P2RY8: variants seen among roughly 807,000 people sequenced by gnomAD.
The protein encoded by P2RY8 is P2Y receptor family member 8.
In P2RY8, 6 loss-of-function variants were observed where a neutral mutation model predicts 10.0. That is an observed-to-expected ratio of 0.60 (90% CI 0.33 to 1.19). The LOEUF (loss-of-function observed/expected upper bound fraction) is 1.19. Ranked by LOEUF, P2RY8 falls within the 50% of genes most tolerant of loss-of-function variation. The pLI, the probability that P2RY8 is intolerant of heterozygous loss-of-function variation, is 0.04. For missense variants in P2RY8, 456 were observed against 542.0 expected (o/e 0.84, Z 1.58); for synonymous variants, 276 against 252.5 (o/e 1.09, Z -0.88).
At chrX:1,521,222 T>C (rs1467626732) in intron 1 of P2RY8, among the ~76,000 whole-genome samples, 1 of 151,950 alleles carries the variant, frequency 6.6e-6, no homozygotes, top group Non-Finnish European at 1.5e-5. Context: ...CTAATTTTTG[T>C]ATTTTAGTAG....
intron 1 of P2RY8, among the ~76,000 whole-genome samples, chrX:1,508,870 CATCCATCCATCT>C (rs1438883649): frequency 1.3e-5 from 2 of 151,734 alleles, no homozygotes; most frequent in Non-Finnish European, 2.9e-5. Context: ...TCCATCCATC[CATCCATCCATCT>C]ATTCTATCAT....
intron 1 of P2RY8, among the ~76,000 whole-genome samples, chrX:1,475,350 T>C (rs1357354091): frequency 1.3e-5 from 2 of 151,956 alleles, no homozygotes; most frequent in African/African-American, 2.4e-5. Flanking sequence ...CTATCCACCA[T>C]GAAATGCCGA....
At chrX:1,499,647 T>G (rs2092155015) in intron 1 of P2RY8, among the ~76,000 whole-genome samples, 1 of 151,220 alleles carries the variant, frequency 6.6e-6, no homozygotes, top group African/African-American at 2.4e-5. Context: ...AACGTATTAA[T>G]AAGGAAAAAA....
At chrX:1,515,950 G>GTA (rs1258600564) in intron 1 of P2RY8, among the ~76,000 whole-genome samples, 1 of 88,816 alleles carries the variant, frequency 1.1e-5, no homozygotes, top group Non-Finnish European at 2.8e-5. Flanking sequence ...GAGGGGTCGG[G>GTA]GGGTGGTGGA....
intron 1 of P2RY8, among the ~76,000 whole-genome samples, chrX:1,467,766 G>A (rs553690675): frequency 7.2e-5 from 11 of 152,180 alleles, no homozygotes; most frequent in South Asian, 6.2e-4. Context: ...AGCCTCCAAC[G>A]CCTGGCCTCA....
chrX:1,484,492 T>A (rs7891305), intron 1 of P2RY8, among the ~76,000 whole-genome samples: 58,349 of 151,184 alleles, frequency 0.39, 12,745 homozygotes, highest in South Asian at 0.64. Flanking sequence ...TTTGGGAGGC[T>A]GAGGCGGGCG....
intron 1 of P2RY8, among the ~76,000 whole-genome samples, chrX:1,475,102 GA>G (rs1249783816): frequency 7.2e-5 from 10 of 138,936 alleles, no homozygotes; most frequent in African/African-American, 2.1e-4. Flanking sequence ...TGGAGGGATG[GA>G]TAAGTGGGTG....
At chrX:1,510,152 A>G (rs1311021112) in intron 1 of P2RY8, among the ~76,000 whole-genome samples, 2 of 152,076 alleles carry the variant, frequency 1.3e-5, no homozygotes, top group Non-Finnish European at 2.9e-5. Flanking sequence ...TGTATTACCT[A>G]TCTATCTCAA....
rs769369045 is a variant in P2RY8, at chrX:1,516,813, G to C, written c.-25+20108C>G. The stretch of plus-strand genomic sequence containing the variant: ...GAGGGGCGACCCTGTGAGGACACAG[G>C]GGGAAGACGTCATCTACAAGCCAAG... On this transcript the variant is annotated intron_variant, in intron 1 of 1. Transcript: ENST00000381297. Among the ~76,000 whole-genome samples, 386 of 151,900 alleles carry C rather than the reference G, an allele frequency of 2.5e-3. 2 individuals are homozygous for C. The highest frequency in any genetic ancestry group is 8.9e-3 in the African/African-American group (369 of 41,410).
At chrX:1,517,836 C>T (rs34965032) in intron 1 of P2RY8, among the ~76,000 whole-genome samples, 13,225 of 152,180 alleles carry the variant, frequency 0.087, 738 homozygotes, top group Middle Eastern at 0.14. Context: ...CGGCCACACG[C>T]GGTGGCTCAC....
At chrX:1,515,434 C>A (rs1328051365) in intron 1 of P2RY8, among the ~76,000 whole-genome samples, 2 of 150,276 alleles carry the variant, frequency 1.3e-5, no homozygotes, top group Non-Finnish European at 3.0e-5. Context: ...TGCAATGGCA[C>A]AATCTCTGCT....
At chrX:1,471,439 C>G (rs1253506746) in intron 1 of P2RY8, among the ~76,000 whole-genome samples, 6 of 143,926 alleles carry the variant, frequency 4.2e-5, no homozygotes, top group African/African-American at 1.3e-4. Context: ...GCTGGGATTA[C>G]AGGCACGAGC....
chrX:1,501,797 G>C (rs751545434), intron 1 of P2RY8, among the ~76,000 whole-genome samples: 4 of 152,136 alleles, frequency 2.6e-5, no homozygotes, highest in African/African-American at 9.6e-5. Flanking sequence ...GTTTCACCGT[G>C]TTAGCCAGGA....
chrX:1,500,617 G>T (rs1346310506), intron 1 of P2RY8, among the ~76,000 whole-genome samples: 1 of 91,982 alleles, frequency 1.1e-5, no homozygotes, highest in Non-Finnish European at 2.7e-5. Flanking sequence ...GCTAATTTTT[G>T]TATTTTTGGT....
intron 1 of P2RY8, among the ~76,000 whole-genome samples, chrX:1,489,724 C>A (rs1209898461): frequency 4.7e-5 from 7 of 149,334 alleles, no homozygotes; most frequent in African/African-American, 1.7e-4. Flanking sequence ...CCAGATATTC[C>A]CCGCAAATGT....
chrX:1,498,719 T>A (rs1468522945), intron 1 of P2RY8, among the ~76,000 whole-genome samples: 10 of 151,524 alleles, frequency 6.6e-5, no homozygotes, highest in Non-Finnish European at 4.4e-5. Context: ...GGTTTCACCA[T>A]GTTGCACAGG....
chrX:1,508,704 TTCTATCTATCTATCTATCTATCTATCTA>T (rs61715773), intron 1 of P2RY8, among the ~76,000 whole-genome samples: 3 of 111,974 alleles, frequency 2.7e-5, no homozygotes, highest in Admixed American at 2.5e-4. Flanking sequence ...CATCCATCCA[TTCTATCTATCTATCTATCTATCTATCTA>T]TCTATCTATC....
rs867704844 is a variant in P2RY8, at chrX:1,509,705, C to T, written c.-25+27216G>A. 6.2e-5 allele frequency among the ~76,000 whole-genome samples: 8 copies of T among 129,066 alleles called. 1 individual carries two copies. The highest frequency in any genetic ancestry group is 2.2e-4 in the African/African-American group (7 of 31,744). The allele number at this position is 129,066 out of a possible 152,430, so 84.7% of individuals were successfully genotyped here. On this transcript the variant is annotated intron_variant, in intron 1 of 1. Coordinates refer to ENST00000381297, the MANE Select transcript of P2RY8 (RefSeq NM_178129.5). The stretch of plus-strand genomic sequence containing the variant: ...CCATCCATCCATCCATCCATCCATC[C>T]ATTTATTCTATCTATGCATCTATGT...
At chrX:1,520,912 C>A (rs1393153347) in intron 1 of P2RY8, among the ~76,000 whole-genome samples, 1 of 151,796 alleles carries the variant, frequency 6.6e-6, no homozygotes, top group Non-Finnish European at 1.5e-5. Context: ...CTCCTTGATC[C>A]CCAATCATCT....
Sources: allele counts gnomAD v4.1 joint callset (sites outside exome capture counted in the v4.1 genomes callset), GRCh38; gene constraint gnomAD v4.1.1; transcripts MANE v1.5; gene names NCBI Gene and HGNC (gene_info 2026-07-23, HGNC 2026-07-21).